The following APBA1 variants were observed in gnomAD, a reference collection of about 807,000 sequenced individuals.
APBA1 encodes the protein amyloid beta precursor protein binding family A member 1, also known as amyloid-beta A4 precursor protein-binding family A member 1.
Under a neutral mutation model 86.6 loss-of-function variants are expected in APBA1, and 55 were observed. That is an observed-to-expected ratio of 0.64 (90% CI 0.51 to 0.80). The LOEUF (loss-of-function observed/expected upper bound fraction) is 0.80, where lower values mean the gene tolerates loss of function less well. Among genes scored for constraint, APBA1 ranks in the 30% least tolerant of loss-of-function variants. The pLI is 0.00. For missense variants in APBA1, 1,090 were observed against 1,183.0 expected, an observed-to-expected ratio of 0.92 and a Z score of 1.15; for synonymous variants, 511 against 493.9, an observed-to-expected ratio of 1.03 and a Z score of -0.46.
At chr9:69,542,749 C>T (rs147356044) in intron 1 of APBA1, among the ~76,000 whole-genome samples, 6 of 152,264 alleles carry the variant, frequency 3.9e-5, no homozygotes, top group African/African-American at 1.2e-4. Context: ...ATGTTTAATG[C>T]CCCCTTTTAT....
intron 1 of APBA1, among the ~76,000 whole-genome samples, chr9:69,542,082 T>C (rs1836621938): frequency 6.6e-6 from 1 of 152,208 alleles, no homozygotes; most frequent in South Asian, 2.1e-4. Flanking sequence ...CAAAATTATA[T>C]AATTTCTAAA....
intron 1 of APBA1, among the ~76,000 whole-genome samples, chr9:69,537,006 TC>T (rs1445513729): frequency 1.3e-5 from 2 of 150,122 alleles, no homozygotes; most frequent in Non-Finnish European, 1.5e-5. Flanking sequence ...AAAAGAACAC[TC>T]ATGTTGTTAT....
chr9:69,633,665 G>T (rs1474196917), intron 1 of APBA1, among the ~76,000 whole-genome samples: 1 of 152,132 alleles, frequency 6.6e-6, no homozygotes, highest in Non-Finnish European at 1.5e-5. Flanking sequence ...TCAATCCACT[G>T]AGATATTTGC....
chr9:69,616,590 T>C (rs1160897454), intron 1 of APBA1, among the ~76,000 whole-genome samples: 1 of 152,198 alleles, frequency 6.6e-6, no homozygotes, highest in East Asian at 1.9e-4. Context: ...TGAGAGCTAA[T>C]GCCTACAGAA....
intron 1 of APBA1, among the ~76,000 whole-genome samples, chr9:69,664,642 C>T (rs1823811200): frequency 6.6e-6 from 1 of 152,144 alleles, no homozygotes; most frequent in African/African-American, 2.4e-5. Context: ...TGAAAGTAAA[C>T]TAATAAATTA....
chr9:69,464,417 C>T (rs1316340939), intron 5 of APBA1: 2 of 152,304 alleles, frequency 1.3e-5, no homozygotes, highest in Admixed American at 6.5e-5. Context: ...ATAATGAATT[C>T]CTCACGCCAG....
intron 1 of APBA1, among the ~76,000 whole-genome samples, chr9:69,569,895 T>C (rs1343553500): frequency 1.3e-5 from 2 of 152,144 alleles, no homozygotes; most frequent in East Asian, 3.9e-4. Flanking sequence ...TTAAATCAAA[T>C]TGCCAGGCAT....
chr9:69,610,161 AT>A, intron 1 of APBA1, among the ~76,000 whole-genome samples: 1 of 152,004 alleles, frequency 6.6e-6, no homozygotes, highest in Non-Finnish European at 1.5e-5. Context: ...CCACAAAAAA[AT>A]TTTTTTAATT....
At chr9:69,490,462 C>G (rs1588316073) in intron 2 of APBA1, among the ~76,000 whole-genome samples, 1 of 151,500 alleles carries the variant, frequency 6.6e-6, no homozygotes, top group Non-Finnish European at 1.5e-5. Flanking sequence ...TACCCTAAAA[C>G]TTAAAGTATA....
chr9:69,659,146 C>G (rs1192244776), intron 1 of APBA1, among the ~76,000 whole-genome samples: 2 of 152,196 alleles, frequency 1.3e-5, no homozygotes, highest in Admixed American at 1.3e-4. Flanking sequence ...AGCACACCAA[C>G]TTATACAGAC....
intron 2 of APBA1, among the ~76,000 whole-genome samples, chr9:69,491,306 G>C (rs1416322720): frequency 6.6e-6 from 1 of 152,014 alleles, no homozygotes; most frequent in African/African-American, 2.4e-5. Flanking sequence ...TCCTTTGTAG[G>C]GACACGAGTG....
intron 1 of APBA1, among the ~76,000 whole-genome samples, chr9:69,659,002 A>G (rs1390774804): frequency 1.3e-5 from 2 of 152,120 alleles, no homozygotes; most frequent in African/African-American, 4.8e-5. Flanking sequence ...GAATGAGAGC[A>G]TACCCTTACT....
chr9:69,635,993 A>G (rs945704382), intron 1 of APBA1, among the ~76,000 whole-genome samples: 2 of 152,228 alleles, frequency 1.3e-5, no homozygotes, highest in Admixed American at 6.5e-5. Flanking sequence ...ATGAGGGAAA[A>G]TATTTGCAAA....
In APBA1 at chr9:69,569,463, G is replaced by A. The variant is rs914818513; in HGVS notation, c.-69-52184C>T. 2.1e-3 allele frequency among the ~76,000 whole-genome samples: 317 copies of A among 149,514 alleles called. 1 individual carries two copies. The highest frequency in any genetic ancestry group is 7.8e-3 in the African/African-American group (308 of 39,398). ...GTCACGTGTGAGTGTGTGTGTGTGTGTGTGTGTGTGTGTGTGTGTGTGTGT... is the reference window on the plus strand; with the variant it reads ...GTCACGTGTGAGTGTGTGTGTGTGTATGTGTGTGTGTGTGTGTGTGTGTGT... On this transcript the variant is annotated intron_variant, in intron 1 of 12. Transcript: ENST00000265381.
rs1370019520 is a variant in APBA1 at position 69,453,283 on chromosome 9, G to T, written c.1789-982C>A. On this transcript the variant is annotated intron_variant, in intron 8 of 12. Transcript: ENST00000265381. ...TAAGATATTTATTGTAGAAAGGGAG[G>T]GTTGGGTCTAACAGAGTTGAGAACT... Among the ~76,000 whole-genome samples the T allele has an allele frequency of 1.1e-4, 17 of 152,214 alleles. No individual in the cohort carries two copies. In the South Asian group the frequency reaches 3.3e-3, roughly 30 times the overall value.
intron 1 of APBA1, among the ~76,000 whole-genome samples, chr9:69,553,062 C>T (rs570107710): frequency 1.3e-5 from 2 of 152,246 alleles, no homozygotes; most frequent in South Asian, 4.2e-4. Context: ...TGCCACTACA[C>T]TCGGCTAATT....
intron 1 of APBA1, among the ~76,000 whole-genome samples, chr9:69,523,497 G>GTGTATATATA (rs1836291798): frequency 3.2e-5 from 1 of 30,882 alleles, no homozygotes; most frequent in Admixed American, 5.0e-4. Flanking sequence ...ATATATATAT[G>GTGTATATATA]TATATATATA....
At chr9:69,469,949 C>T (rs189730195) in intron 4 of APBA1, among the ~76,000 whole-genome samples, 2 of 152,292 alleles carry the variant, frequency 1.3e-5, no homozygotes, top group South Asian at 2.1e-4. Context: ...ACCTTCTCTA[C>T]GGGACTTCTA....
At chr9:69,439,660 T>TAC (rs1372163961) in intron 11 of APBA1, among the ~76,000 whole-genome samples, 1 of 152,222 alleles carries the variant, frequency 6.6e-6, no homozygotes, top group African/African-American at 2.4e-5. Flanking sequence ...TTCTCTGCAT[T>TAC]GGTTATTCTA....
Sources: gnomAD v4.1 joint callset for allele counts (sites outside exome capture counted in the v4.1 genomes callset) on GRCh38, gnomAD v4.1.1 for gene constraint, MANE v1.5 for transcripts, NCBI Gene and HGNC (gene_info 2026-07-23, HGNC 2026-07-21) for gene names.